Variants in BANK1 observed in about 807,000 individuals in gnomAD.
BANK1 encodes B cell scaffold protein with ankyrin repeats 1, also known as B-cell scaffold protein with ankyrin repeats.
A neutral mutation model predicts 94.5 loss-of-function variants in BANK1; 95 were observed. That is an observed-to-expected ratio of 1.00 (90% CI 0.85 to 1.19). BANK1 has a LOEUF of 1.19. Ranked by LOEUF, BANK1 falls within the 50% of genes most tolerant of loss-of-function variation. BANK1 has a pLI of 0.00. For missense variants in BANK1, 987 were observed against 932.2 expected (o/e 1.06, Z -0.77); for synonymous variants, 334 against 308.4 (o/e 1.08, Z -0.87).
At chr4:101,869,538 G>A (rs12331848) in intron 4 of BANK1, among the ~76,000 whole-genome samples, 19 of 151,816 alleles carry the variant, frequency 1.3e-4, no homozygotes, top group Admixed American at 2.0e-4. Flanking sequence ...GATTGCTTTC[G>A]TTGCATTTAA....
chr4:101,886,274 A>G (rs1221928630), intron 5 of BANK1, among the ~76,000 whole-genome samples: 2 of 152,334 alleles, frequency 1.3e-5, no homozygotes, highest in South Asian at 2.1e-4. Context: ...TCCAGTTGCC[A>G]CTAGCACAGG....
intron 7 of BANK1, among the ~76,000 whole-genome samples, chr4:101,982,312 C>T (rs1725349428): frequency 6.6e-6 from 1 of 151,592 alleles, no homozygotes; most frequent in East Asian, 1.9e-4. Flanking sequence ...ACTTTAACAA[C>T]CCATATAAAT....
chr4:102,009,296 C>A (rs1014783747), intron 7 of BANK1, among the ~76,000 whole-genome samples: 1 of 152,140 alleles, frequency 6.6e-6, no homozygotes, highest in Admixed American at 6.5e-5. Context: ...ATCTATTGCC[C>A]CTACCCTCTA....
chr4:102,043,825 T>C lies in BANK1; in HGVS notation c.1901-14T>C, dbSNP rs1727782181. 4 of 1,570,644 alleles carry C rather than the reference T, an allele frequency of 2.5e-6. No homozygotes were observed. Among genetic ancestry groups the C allele is most frequent in the Admixed American group, 1.7e-5 (1 of 59,530 alleles). ...TTTATGTTCAGTAAATAATATGTTC[T>C]ATACTTTTTACAGTGTTTCAACAAA... On this transcript the variant is annotated splice_polypyrimidine_tract_variant and intron_variant, in intron 10 of 16. Coordinates refer to ENST00000322953, the MANE Select transcript of BANK1 (RefSeq NM_017935.5).
At chr4:101,833,475 C>A (rs1363298859) in intron 2 of BANK1, among the ~76,000 whole-genome samples, 1 of 152,164 alleles carries the variant, frequency 6.6e-6, no homozygotes, top group East Asian at 1.9e-4. Context: ...CTTAATTTAG[C>A]CTCACTTTGT....
intron 7 of BANK1, among the ~76,000 whole-genome samples, chr4:102,015,353 G>C (rs1043286600): frequency 7.2e-5 from 11 of 151,790 alleles, no homozygotes; most frequent in African/African-American, 2.7e-4. Flanking sequence ...TAGTTTACTT[G>C]GTCATCATAC....
At chr4:101,982,792 T>G (rs996311166) in intron 7 of BANK1, among the ~76,000 whole-genome samples, 2 of 151,976 alleles carry the variant, frequency 1.3e-5, no homozygotes, top group Non-Finnish European at 2.9e-5. Context: ...ATATAATCAT[T>G]AAGTATAATT....
chr4:101,820,045 G>T (rs1326229240), intron 1 of BANK1, among the ~76,000 whole-genome samples: 1 of 152,168 alleles, frequency 6.6e-6, no homozygotes, highest in Non-Finnish European at 1.5e-5. Context: ...GGAAATTCTG[G>T]CATTGCAGCC....
intron 1 of BANK1, among the ~76,000 whole-genome samples, chr4:101,802,308 G>C (rs1325235050): frequency 6.6e-6 from 1 of 152,186 alleles, no homozygotes; most frequent in East Asian, 1.9e-4. Context: ...TAAAGCTTTA[G>C]TGACATAATC....
intron 12 of BANK1, among the ~76,000 whole-genome samples, chr4:102,060,726 A>C (rs1452408272): frequency 6.6e-6 from 1 of 152,204 alleles, no homozygotes; most frequent in African/African-American, 2.4e-5. Context: ...TGCCAGGCTT[A>C]AAAGGAAAGG....
intron 5 of BANK1, among the ~76,000 whole-genome samples, chr4:101,871,715 G>A (rs1172615965): frequency 6.6e-6 from 1 of 152,044 alleles, no homozygotes; most frequent in African/African-American, 2.4e-5. Flanking sequence ...TCATTTTCTT[G>A]TGACAAGTCC....
At chr4:101,998,880 C>CT (rs1725967780) in intron 7 of BANK1, among the ~76,000 whole-genome samples, 1 of 152,114 alleles carries the variant, frequency 6.6e-6, no homozygotes, top group South Asian at 2.1e-4. Context: ...TTTGAATTCT[C>CT]TGTTTCCTGG....
intron 7 of BANK1, among the ~76,000 whole-genome samples, chr4:101,941,738 T>C (rs987746508): frequency 7.6e-6 from 1 of 130,986 alleles, no homozygotes; most frequent in Non-Finnish European, 1.8e-5. Flanking sequence ...TTCAGATGTG[T>C]GTGTACACAC....
intron 1 of BANK1, among the ~76,000 whole-genome samples, chr4:101,798,813 A>AT (rs1725250768): frequency 6.6e-6 from 1 of 151,602 alleles, no homozygotes; most frequent in African/African-American, 2.4e-5. Flanking sequence ...GGGTTGTTTG[A>AT]TTTTTTCTTG....
At chr4:101,838,582 C>T (rs986283703) in intron 2 of BANK1, among the ~76,000 whole-genome samples, 2 of 152,130 alleles carry the variant, frequency 1.3e-5, no homozygotes, top group African/African-American at 4.8e-5. Flanking sequence ...AGGGCAGAAA[C>T]TATGTACAGA....
chr4:101,897,898 G>T (rs1226260318), intron 6 of BANK1, among the ~76,000 whole-genome samples: 1 of 151,320 alleles, frequency 6.6e-6, no homozygotes, highest in Non-Finnish European at 1.5e-5. Flanking sequence ...CTTAACAAAG[G>T]TTATAAAGAT....
Position 101,821,891 on chromosome 4 carries a change from A to G in BANK1, c.71-7917A>G, listed in dbSNP as rs556303787. Among the ~76,000 whole-genome samples the G allele has an allele frequency of 1.6e-4, 24 of 152,290 alleles. No homozygotes were observed. The South Asian group carries it at 2.7e-3, about 17-fold the overall frequency. ...TGGAGGGCCAATAAAAAACCCTATC[A>G]TTCTTTCTTCTCATCTGATATTCTG... On this transcript the variant is annotated intron_variant, in intron 1 of 16. Coordinates refer to ENST00000322953, the MANE Select transcript of BANK1 (RefSeq NM_017935.5).
chr4:101,954,061 G>A (rs1051064335), intron 7 of BANK1, among the ~76,000 whole-genome samples: 1 of 152,054 alleles, frequency 6.6e-6, no homozygotes, highest in Admixed American at 6.6e-5. Context: ...CCTAGCTTCC[G>A]GTGGTTGCCA....
At position 102,000,322 on chromosome 4, in the gene BANK1, C is replaced by CAAAA. The variant is rs3974642; in HGVS notation, c.1207-21171_1207-21168dup. On this transcript the variant is annotated intron_variant, in intron 7 of 16. Coordinates refer to ENST00000322953, the MANE Select transcript of BANK1 (RefSeq NM_017935.5). ...TGGGTGGCAGAGCGAAACTCTGTCTCAAAAAAAAAAAAAAAAAAAAAAAAC... is the reference window on the plus strand; with the variant it reads ...TGGGTGGCAGAGCGAAACTCTGTCTCAAAAAAAAAAAAAAAAAAAAAAAAAAAAC... Among the ~76,000 whole-genome samples the CAAAA allele has an allele frequency of 2.3e-4, 15 of 66,088 alleles. 1 individual carries two copies. Among genetic ancestry groups the CAAAA allele is most frequent in the African/African-American group, 4.9e-4 (8 of 16,470 alleles). 43.4% of individuals were successfully genotyped at this position (66,088 alleles called of 152,430 possible). A position where few individuals can be genotyped will look rare whatever the true frequency, so the allele number is the denominator to read the frequency against.
Sources: allele counts gnomAD v4.1 joint callset (sites outside exome capture counted in the v4.1 genomes callset), GRCh38; gene constraint gnomAD v4.1.1; transcripts MANE v1.5; gene names NCBI Gene and HGNC (gene_info 2026-07-23, HGNC 2026-07-21).